Variants in LRRC4C observed in about 807,000 individuals in gnomAD.
The protein encoded by LRRC4C is leucine-rich repeat-containing protein 4C.
A neutral mutation model predicts 33.6 loss-of-function variants in LRRC4C; 5 were observed. The ratio of observed to expected loss-of-function variants is 0.15; its 90% CI spans 0.08 to 0.31. LRRC4C has a LOEUF of 0.31. LRRC4C is among the 10% of genes least tolerant of loss of function. LRRC4C has a pLI of 1.00. For missense variants in LRRC4C, 560 were observed against 796.7 expected, an observed-to-expected ratio of 0.70 and a Z score of 3.58; for synonymous variants, 329 against 302.0, an observed-to-expected ratio of 1.09 and a Z score of -0.93.
intron 1 of LRRC4C, among the ~76,000 whole-genome samples, chr11:41,446,060 T>TA (rs1955816544): frequency 6.6e-6 from 1 of 152,176 alleles, no homozygotes; most frequent in South Asian, 2.1e-4. Context: ...ATAATAACGT[T>TA]AAAACAAGTG....
intron 3 of LRRC4C, among the ~76,000 whole-genome samples, chr11:40,597,442 T>C (rs1036180594): frequency 6.6e-6 from 1 of 152,178 alleles, no homozygotes; most frequent in African/African-American, 2.4e-5. Context: ...CAAATTATTC[T>C]TCAGAGTTCC....
intron 1 of LRRC4C, among the ~76,000 whole-genome samples, chr11:40,997,779 G>C (rs355251): frequency 0.58 from 87,433 of 151,418 alleles, 25,424 homozygotes; most frequent in South Asian, 0.63. Flanking sequence ...CTGTTCCACT[G>C]TCACCAATGG....
chr11:40,915,347 G>T (rs1306797435), intron 2 of LRRC4C, among the ~76,000 whole-genome samples: 1 of 151,996 alleles, frequency 6.6e-6, no homozygotes, highest in Admixed American at 6.6e-5. Context: ...CCAAAACAGA[G>T]ATATAGATCA....
chr11:40,431,756 G>C (rs147114297), intron 3 of LRRC4C, among the ~76,000 whole-genome samples: 2 of 152,210 alleles, frequency 1.3e-5, no homozygotes, highest in African/African-American at 4.8e-5. Flanking sequence ...CCATTTTACA[G>C]GTAAGGTAAC....
intron 1 of LRRC4C, among the ~76,000 whole-genome samples, chr11:41,029,660 A>C (rs537681654): frequency 6.6e-6 from 1 of 151,964 alleles, no homozygotes. Context: ...AATATTTATT[A>C]AGTATCTACT....
intron 2 of LRRC4C, among the ~76,000 whole-genome samples, chr11:40,892,348 C>CA (rs985558614): frequency 5.3e-5 from 8 of 151,858 alleles, no homozygotes; most frequent in Admixed American, 1.3e-4. Flanking sequence ...GATTAATGGA[C>CA]AAAAAAACAT....
At chr11:40,736,152 A>G (rs1294918992) in intron 2 of LRRC4C, among the ~76,000 whole-genome samples, 1 of 151,912 alleles carries the variant, frequency 6.6e-6, no homozygotes, top group Non-Finnish European at 1.5e-5. Flanking sequence ...TCCTAATGCT[A>G]TATCTCTCCT....
chr11:40,384,392 C>A (rs1044099390), intron 3 of LRRC4C, among the ~76,000 whole-genome samples: 3 of 151,982 alleles, frequency 2.0e-5, no homozygotes, highest in African/African-American at 4.8e-5. Flanking sequence ...GAGATTGTAC[C>A]AAATTCTATT....
chr11:41,294,125 T>C (rs369825327), intron 1 of LRRC4C, among the ~76,000 whole-genome samples: 45 of 152,294 alleles, frequency 3.0e-4, no homozygotes, highest in Middle Eastern at 6.8e-3. Context: ...CCAACTTCTA[T>C]AGACAGTTTA....
intron 3 of LRRC4C, among the ~76,000 whole-genome samples, chr11:40,417,443 T>C (rs7482169): frequency 0.35 from 52,518 of 151,824 alleles, 10,029 homozygotes; most frequent in South Asian, 0.46. Flanking sequence ...GTGATTCTCC[T>C]GCCTCAGCCT....
At chr11:40,383,657 T>C (rs1398057511) in intron 3 of LRRC4C, among the ~76,000 whole-genome samples, 1 of 152,080 alleles carries the variant, frequency 6.6e-6, no homozygotes, top group African/African-American at 2.4e-5. Context: ...TATACCTTCT[T>C]TTTAGAAATG....
At chr11:40,535,149 T>C (rs1382294510) in intron 3 of LRRC4C, among the ~76,000 whole-genome samples, 1 of 152,204 alleles carries the variant, frequency 6.6e-6, no homozygotes, top group Non-Finnish European at 1.5e-5. Flanking sequence ...GTTATAGTCA[T>C]CTTCCTTGGA....
rs188554291 is a variant in LRRC4C at position 41,209,212 on chromosome 11, A to G, written c.-496+250219T>C. 5.3e-3 allele frequency among the ~76,000 whole-genome samples: 791 copies of G among 150,004 alleles called. 10 individuals are homozygous for G. Among genetic ancestry groups the G allele is most frequent in the African/African-American group, 0.019 (764 of 41,128 alleles). On this transcript the variant is annotated intron_variant, in intron 1 of 6. Transcript: ENST00000528697. ...CTGAACCTAAAATAAAAGTTAAAATATTAAATATATACTAATATTAAATAT... is the reference window on the plus strand; with the variant it reads ...CTGAACCTAAAATAAAAGTTAAAATGTTAAATATATACTAATATTAAATAT...
At chr11:41,298,792 C>T (rs902625621) in intron 1 of LRRC4C, among the ~76,000 whole-genome samples, 1 of 152,090 alleles carries the variant, frequency 6.6e-6, no homozygotes, top group Non-Finnish European at 1.5e-5. Flanking sequence ...CCCACCCACC[C>T]TTGCCCTTCC....
At position 41,163,299 on chromosome 11, in the gene LRRC4C, T is replaced by TTA. The variant is rs1944563823; in HGVS notation, c.-495-229577_-495-229576insTA. Among the ~76,000 whole-genome samples, 3 of 136,796 alleles carry TTA rather than the reference T, an allele frequency of 2.2e-5. 1 individual carries two copies. Among genetic ancestry groups the TTA allele is most frequent in the Admixed American group, 7.5e-5 (1 of 13,410 alleles). The allele number at this position is 136,796 out of a possible 152,430, so 89.7% of individuals were successfully genotyped here. On this transcript the variant is annotated intron_variant, in intron 1 of 6. Transcript: ENST00000528697. The stretch of plus-strand genomic sequence containing the variant: ...TACTGTAACTGTTTTTTTTTTTTTT[T>TTA]TTCAAACAGGGTCTTGCTCTGTCAC...
chr11:40,318,981 T>G (rs1354093678), intron 4 of LRRC4C, among the ~76,000 whole-genome samples: 1 of 152,180 alleles, frequency 6.6e-6, no homozygotes, highest in Non-Finnish European at 1.5e-5. Flanking sequence ...ACTGCCTCCA[T>G]TACCCAGGAG....
At chr11:41,445,038 G>A (rs1313713458) in intron 1 of LRRC4C, among the ~76,000 whole-genome samples, 1 of 151,856 alleles carries the variant, frequency 6.6e-6, no homozygotes, top group Non-Finnish European at 1.5e-5. Flanking sequence ...CCCAACCTCA[G>A]GTGATCCGCC....
At chr11:41,274,457 T>A (rs1949415938) in intron 1 of LRRC4C, among the ~76,000 whole-genome samples, 2 of 152,072 alleles carry the variant, frequency 1.3e-5, no homozygotes, top group African/African-American at 4.8e-5. Context: ...GGAAAGGAAT[T>A]GCTAATGGAC....
chr11:40,743,613 C>T (rs971796765), intron 2 of LRRC4C, among the ~76,000 whole-genome samples: 3 of 152,076 alleles, frequency 2.0e-5, no homozygotes, highest in Admixed American at 6.6e-5. Flanking sequence ...AAGAAGTAGA[C>T]ATTTTTGGAG....
Sources: allele counts gnomAD v4.1 joint callset (sites outside exome capture counted in the v4.1 genomes callset), GRCh38; gene constraint gnomAD v4.1.1; transcripts MANE v1.5; gene names NCBI Gene and HGNC (gene_info 2026-07-23, HGNC 2026-07-21).